PARD3B: variants seen among roughly 807,000 people sequenced by gnomAD.
PARD3B encodes par-3 family cell polarity regulator beta, also known as partitioning defective 3 homolog B.
PARD3B carries 103 observed loss-of-function variants against 130.2 expected under a neutral mutation model. The observed-to-expected ratio is 0.79, with a 90% CI of 0.67 to 0.93. The LOEUF is 0.93. Ranked by LOEUF, PARD3B falls within the 40% of genes least tolerant of loss-of-function variation. PARD3B has a pLI of 0.00. For missense variants in PARD3B, 1,609 were observed against 1,499.2 expected (o/e 1.07, Z -1.21); for synonymous variants, 583 against 553.2 (o/e 1.05, Z -0.76).
chr2:204,916,311 A>G (rs1411635479), intron 2 of PARD3B, among the ~76,000 whole-genome samples: 1 of 152,220 alleles, frequency 6.6e-6, no homozygotes, highest in East Asian at 1.9e-4. Context: ...TAATAGATAC[A>G]TGGTTGTTTT....
At chr2:204,697,167 C>G (rs1011956023) in intron 2 of PARD3B, among the ~76,000 whole-genome samples, 6 of 152,060 alleles carry the variant, frequency 3.9e-5, no homozygotes, top group Non-Finnish European at 8.8e-5. Flanking sequence ...CTAAGTGTGG[C>G]CACTGTATAC....
At chr2:205,111,717 T>C (rs1703659887) in intron 5 of PARD3B, among the ~76,000 whole-genome samples, 1 of 152,094 alleles carries the variant, frequency 6.6e-6, no homozygotes, top group Admixed American at 6.6e-5. Context: ...ATGTGGATAC[T>C]TGATACATTT....
chr2:205,154,776 C>G (rs184478559), intron 10 of PARD3B, among the ~76,000 whole-genome samples: 1 of 152,264 alleles, frequency 6.6e-6, no homozygotes, highest in African/African-American at 2.4e-5. Context: ...AACCATCATT[C>G]TGAGCAAACT....
intron 3 of PARD3B, among the ~76,000 whole-genome samples, chr2:205,020,076 A>G (rs549514509): frequency 1.2e-4 from 18 of 152,182 alleles, no homozygotes; most frequent in Admixed American, 1.1e-3. Flanking sequence ...CTCCCCACCT[A>G]TATCCCAACC....
chr2:204,613,921 G>C (rs1270800233), intron 1 of PARD3B, among the ~76,000 whole-genome samples: 1 of 152,006 alleles, frequency 6.6e-6, no homozygotes, highest in East Asian at 1.9e-4. Context: ...ACAAATGCTG[G>C]GTGAACCTTA....
At chr2:204,786,317 C>G (rs1418866091) in intron 2 of PARD3B, among the ~76,000 whole-genome samples, 1 of 151,964 alleles carries the variant, frequency 6.6e-6, no homozygotes, top group African/African-American at 2.4e-5. Flanking sequence ...GACTTAATTT[C>G]CTACTCCTGG....
At chr2:204,637,426 A>T (rs1370790956) in intron 1 of PARD3B, among the ~76,000 whole-genome samples, 2 of 152,190 alleles carry the variant, frequency 1.3e-5, no homozygotes, top group Non-Finnish European at 2.9e-5. Flanking sequence ...GTATACCTGT[A>T]GATTTAATAT....
chr2:205,161,888 T>C (rs989667462), intron 11 of PARD3B, among the ~76,000 whole-genome samples: 2 of 152,344 alleles, frequency 1.3e-5, no homozygotes, highest in South Asian at 4.1e-4. Context: ...TTGAAAGATA[T>C]GACCAAATTC....
intron 1 of PARD3B, among the ~76,000 whole-genome samples, chr2:204,682,718 T>C (rs1472464912): frequency 6.6e-6 from 1 of 152,226 alleles, no homozygotes; most frequent in East Asian, 1.9e-4. Flanking sequence ...GGCTGTTTTT[T>C]CTTCTTGGAC....
rs1321766685 is a variant in PARD3B, at chr2:205,229,674, A to G, written c.2141-16104A>G. Among the ~76,000 whole-genome samples the G allele has an allele frequency of 6.6e-6, 1 of 151,986 alleles. No individual in the cohort carries two copies. Among genetic ancestry groups the G allele is most frequent in the Non-Finnish European group, 1.5e-5 (1 of 67,976 alleles). ...AGTAACCACTGCCTGGCTACCACCT[A>G]CATTTGCTTAGGACACTAGAGCTCC... On this transcript the variant is annotated intron_variant, in intron 15 of 22. Transcript: ENST00000406610. The surrounding 1 kb of genome is among the most constrained non-coding windows in gnomAD (Gnocchi z 5.2).
At chr2:205,488,885 A>G (rs1287139492) in intron 20 of PARD3B, among the ~76,000 whole-genome samples, 4 of 152,232 alleles carry the variant, frequency 2.6e-5, no homozygotes, top group African/African-American at 9.6e-5. Context: ...AATTAAATGC[A>G]GCTGGGATGC....
At chr2:205,390,006 A>T (rs1574894695) in intron 18 of PARD3B, among the ~76,000 whole-genome samples, 1 of 152,318 alleles carries the variant, frequency 6.6e-6, no homozygotes, top group East Asian at 1.9e-4. Context: ...TTAAAAATCA[A>T]AGTTGAGAGC....
At chr2:204,547,472 T>C (rs972484380) in intron 1 of PARD3B, among the ~76,000 whole-genome samples, 2 of 152,100 alleles carry the variant, frequency 1.3e-5, no homozygotes, top group East Asian at 1.9e-4. Flanking sequence ...TGCAATGTTA[T>C]GTGTGTGTGT....
At chr2:204,690,408 G>T (rs1265901766) in intron 2 of PARD3B, among the ~76,000 whole-genome samples, 1 of 152,130 alleles carries the variant, frequency 6.6e-6, no homozygotes, top group Non-Finnish European at 1.5e-5. Context: ...TCTTAAAATG[G>T]AGAGATTATT....
intron 19 of PARD3B, among the ~76,000 whole-genome samples, chr2:205,436,638 G>T (rs925713993): frequency 1.3e-5 from 2 of 151,860 alleles, no homozygotes; most frequent in Non-Finnish European, 2.9e-5. Context: ...CATGGGCATA[G>T]TGGTCTAAGG....
rs191422611 is a variant in PARD3B, at chr2:205,087,745, C to T, written c.505-16681C>T. 1.1e-4 allele frequency among the ~76,000 whole-genome samples: 17 copies of T among 152,134 alleles called. No individual in the cohort carries two copies. The East Asian group carries it at 2.7e-3, about 24-fold the overall frequency. On this transcript the variant is annotated intron_variant, in intron 4 of 22. Transcript: ENST00000406610. ...CTGGGATGAATGTCACCATTTCATC[C>T]GTGTTAGTATTAGGCATTTCAAATG...
intron 1 of PARD3B, among the ~76,000 whole-genome samples, chr2:204,582,832 G>A (rs1347731910): frequency 6.6e-6 from 1 of 152,220 alleles, no homozygotes; most frequent in African/African-American, 2.4e-5. Context: ...TCTAACTGGT[G>A]TGAGATGGTA....
At chr2:204,643,038 C>G (rs181251413) in intron 1 of PARD3B, among the ~76,000 whole-genome samples, 32 of 141,636 alleles carry the variant, frequency 2.3e-4, no homozygotes, top group Admixed American at 3.8e-4. Flanking sequence ...CATTTGAACC[C>G]GGGGGGCGCA....
rs187790836 is a variant in PARD3B at position 204,969,994 on chromosome 2, G to T, written c.394+4671G>T. On this transcript the variant is annotated intron_variant, in intron 3 of 22. Coordinates refer to ENST00000406610, the MANE Select transcript of PARD3B (RefSeq NM_001302769.2). ...TACTAATGGGATCCATAGATGTGGG[G>T]TTTTTTTTAATAACGTGGATATTTT... 8.6e-3 allele frequency among the ~76,000 whole-genome samples: 1,310 copies of T among 151,900 alleles called. 20 individuals carry two copies. The highest frequency in any genetic ancestry group is 0.029 in the African/African-American group (1,181 of 41,392).
Sources: gnomAD v4.1 joint callset for allele counts (sites outside exome capture counted in the v4.1 genomes callset) on GRCh38, gnomAD v4.1.1 for gene constraint, Gnocchi (gnomAD v3.1) non-coding constraint, MANE v1.5 for transcripts, NCBI Gene and HGNC (gene_info 2026-07-23, HGNC 2026-07-21) for gene names.